Variants in RAP1GAP2 observed in about 807,000 individuals in gnomAD.
RAP1GAP2 encodes the protein rap1 GTPase-activating protein 2.
A neutral mutation model predicts 95.0 loss-of-function variants in RAP1GAP2; 27 were observed. The ratio of observed to expected loss-of-function variants is 0.28; its 90% CI spans 0.21 to 0.39. RAP1GAP2 has a LOEUF of 0.39. RAP1GAP2 is among the 10% of genes least tolerant of loss of function. RAP1GAP2 has a pLI of 1.00. For missense variants in RAP1GAP2, 771 were observed against 970.0 expected (o/e 0.79, Z 2.72); for synonymous variants, 373 against 380.9 (o/e 0.98, Z 0.24).
intron 2 of RAP1GAP2, among the ~76,000 whole-genome samples, chr17:2,875,453 C>T (rs923185067): frequency 6.6e-6 from 1 of 152,130 alleles, no homozygotes; most frequent in African/African-American, 2.4e-5. Context: ...ACAGGGGTAA[C>T]ATTGGCTGTG....
At chr17:2,779,666 C>G (rs974608244) in intron 1 of RAP1GAP2, among the ~76,000 whole-genome samples, 1 of 127,250 alleles carries the variant, frequency 7.9e-6, no homozygotes, top group Non-Finnish European at 1.8e-5. Context: ...GGGGAGAGGA[C>G]AGCTCAGAAG....
chr17:2,874,981 G>A (rs1025057569), intron 2 of RAP1GAP2, among the ~76,000 whole-genome samples: 5 of 152,172 alleles, frequency 3.3e-5, no homozygotes, highest in East Asian at 1.9e-4. Flanking sequence ...GAGTTTGCTC[G>A]GGCCAAAGTT....
intron 3 of RAP1GAP2, among the ~76,000 whole-genome samples, chr17:2,957,219 G>A (rs1360388579): frequency 1.3e-5 from 2 of 152,134 alleles, no homozygotes; most frequent in Non-Finnish European, 2.9e-5. Flanking sequence ...GCTTTAGGGT[G>A]CCAGAGTGGT....
At chr17:2,986,343 A>G (rs993781546) in intron 11 of RAP1GAP2, among the ~76,000 whole-genome samples, 1 of 152,144 alleles carries the variant, frequency 6.6e-6, no homozygotes, top group Non-Finnish European at 1.5e-5. Flanking sequence ...TTTTTATTTT[A>G]TACAGCTTTG....
chr17:2,934,390 C>T (rs996648407), intron 3 of RAP1GAP2, among the ~76,000 whole-genome samples: 4 of 152,190 alleles, frequency 2.6e-5, no homozygotes, highest in Non-Finnish European at 5.9e-5. Context: ...CCTTGGCCTC[C>T]CAAAGTGCTG....
intron 2 of RAP1GAP2, among the ~76,000 whole-genome samples, chr17:2,824,740 C>CAAAAAAAAAAAA (rs940171590): frequency 5.3e-5 from 3 of 56,650 alleles, no homozygotes; most frequent in African/African-American, 1.1e-4. Context: ...AACTCTGTCT[C>CAAAAAAAAAAAA]AAAAAAAAAA....
intron 2 of RAP1GAP2, among the ~76,000 whole-genome samples, chr17:2,879,158 C>T (rs1295666804): frequency 6.6e-6 from 1 of 150,762 alleles, no homozygotes; most frequent in Non-Finnish European, 1.5e-5. Flanking sequence ...TCTTGTCACT[C>T]AGGGTGGAGT....
chr17:2,997,693 G>C (rs1033835798), intron 13 of RAP1GAP2, among the ~76,000 whole-genome samples: 4 of 152,022 alleles, frequency 2.6e-5, no homozygotes, highest in African/African-American at 9.7e-5. Context: ...AGCACTTTGG[G>C]AGGCTGAGGC....
At chr17:2,986,212 G>T (rs142829833) in intron 11 of RAP1GAP2, among the ~76,000 whole-genome samples, 1 of 152,124 alleles carries the variant, frequency 6.6e-6, no homozygotes, top group Non-Finnish European at 1.5e-5. Context: ...AGAGACATGC[G>T]TTTGCTTAAA....
In RAP1GAP2 at chr17:2,870,998, C is replaced by G. The variant is rs1473015340; in HGVS notation, c.81-34286C>G. ...GAGACAGAGTTTCACTCTTGTCACC[C>G]AGGCTGGAGTGCAGTGGTGCGATCT... On this transcript the variant is annotated intron_variant, in intron 2 of 24. Coordinates refer to ENST00000254695, the MANE Select transcript of RAP1GAP2 (RefSeq NM_015085.5). The surrounding 1 kb of genome is among the most constrained non-coding windows in gnomAD (Gnocchi z 4.4). Among the ~76,000 whole-genome samples the G allele has an allele frequency of 6.6e-6, 1 of 152,202 alleles. No homozygotes were observed. The highest frequency in any genetic ancestry group is 1.5e-5 in the Non-Finnish European group (1 of 68,024).
rs746632374 is a variant in RAP1GAP2 at position 2,985,042 on chromosome 17, A to G, written c.789A>G (p.Gly263=). The G allele has an allele frequency of 1.4e-5, 23 of 1,613,722 alleles. No individual in the cohort carries two copies. In the South Asian group the frequency reaches 2.5e-4, roughly 18 times the overall value. ...AAGTCAACAACACATTCAAATTCGG[A>G]GTCATTTATCAAAAAGCCAGGCAGG... ...EHEVNNTFKF[G]VIYQKARQTL... Residue 263 remains glycine, a synonymous_variant, in exon 11 of 25, where the codon GGA becomes GGG. Coordinates refer to ENST00000254695, the MANE Select transcript of RAP1GAP2 (RefSeq NM_015085.5).
chr17:2,975,191 C>T (rs1179378338), intron 8 of RAP1GAP2, among the ~76,000 whole-genome samples: 2 of 151,788 alleles, frequency 1.3e-5, no homozygotes, highest in Non-Finnish European at 2.9e-5. Context: ...AATTGCGCCA[C>T]AATACTACTC....
At chr17:2,853,898 G>T in intron 2 of RAP1GAP2, 1 of 977,278 alleles carries the variant, frequency 1.0e-6, no homozygotes. Flanking sequence ...CGGAGGCCGG[G>T]GGCCGGGGCG....
At chr17:2,790,547 A>G (rs2068898928) in intron 1 of RAP1GAP2, among the ~76,000 whole-genome samples, 1 of 152,154 alleles carries the variant, frequency 6.6e-6, no homozygotes, top group Non-Finnish European at 1.5e-5. Flanking sequence ...TTAGAGGTGG[A>G]TCTGGGATGA....
rs79537193 is a variant in RAP1GAP2 at position 2,978,471 on chromosome 17, T to C, written c.597-1816T>C. On this transcript the variant is annotated intron_variant, in intron 8 of 24. Coordinates refer to ENST00000254695, the MANE Select transcript of RAP1GAP2 (RefSeq NM_015085.5). ...AGGGAAAATTCATGTCCCGGGTGGA[T>C]AGAGTGGGATGGTGGAAGATTTCAT... Among the ~76,000 whole-genome samples the C allele has an allele frequency of 2.0e-3, 311 of 151,848 alleles. 8 individuals are homozygous for C. The East Asian group carries it at 0.053, about 26-fold the overall frequency.
At chr17:3,018,274 C>A in intron 18 of RAP1GAP2, 76 bp downstream of exon 18, 1 of 1,484,664 alleles carries the variant, frequency 6.7e-7, no homozygotes, top group Non-Finnish European at 8.9e-7. Flanking sequence ...GAAGAGTGCC[C>A]CCACCCAGGC....
Position 3,035,623 on chromosome 17 carries a change from A to G in RAP1GAP2, c.*2262A>G, listed in dbSNP as rs2047447378. The G allele has an allele frequency of 6.6e-6, 1 of 152,296 alleles. No individual in the cohort carries two copies. The highest frequency in any genetic ancestry group is 2.4e-5 in the African/African-American group (1 of 41,412). 9.4% of individuals were successfully genotyped at this position (152,296 alleles called of 1,614,324 possible). A position where few individuals can be genotyped will look rare whatever the true frequency, so the allele number is the denominator to read the frequency against. ...TTGGAATGATCTGAACAGGACCCCAAATGCCTCTTCCCTCTGGTCATGCCT... is the reference window on the plus strand; with the variant it reads ...TTGGAATGATCTGAACAGGACCCCAGATGCCTCTTCCCTCTGGTCATGCCT... On this transcript the variant is annotated 3_prime_UTR_variant, in exon 25 of 25. Coordinates refer to ENST00000254695, the MANE Select transcript of RAP1GAP2 (RefSeq NM_015085.5). This position sits in a 1 kb window ranked among gnomAD's most constrained non-coding sequence, Gnocchi z 4.3.
At chr17:2,818,884 C>T (rs1189284050) in intron 2 of RAP1GAP2, among the ~76,000 whole-genome samples, 1 of 151,858 alleles carries the variant, frequency 6.6e-6, no homozygotes, top group African/African-American at 2.4e-5. Context: ...CTGAAACCTA[C>T]TGCAAGGGTT....
chr17:2,856,619 C>T (rs911234787), intron 2 of RAP1GAP2, among the ~76,000 whole-genome samples: 1 of 152,092 alleles, frequency 6.6e-6, no homozygotes, highest in Admixed American at 6.6e-5. Flanking sequence ...TGAGCCTGGG[C>T]AGAACTAGTC....
Sources: gnomAD v4.1 joint callset for allele counts (sites outside exome capture counted in the v4.1 genomes callset) on GRCh38, gnomAD v4.1.1 for gene constraint, Gnocchi (gnomAD v3.1) non-coding constraint, MANE v1.5 for transcripts, NCBI Gene and HGNC (gene_info 2026-07-23, HGNC 2026-07-21) for gene names.